Variants in FBXL13 observed in about 807,000 individuals in gnomAD.
FBXL13 encodes the protein F-box and leucine rich repeat protein 13.
FBXL13 carries 67 observed loss-of-function variants against 83.6 expected under a neutral mutation model. The observed-to-expected ratio is 0.80, with a 90% CI of 0.66 to 0.98. The LOEUF (loss-of-function observed/expected upper bound fraction) is 0.98. Ranked by LOEUF, FBXL13 falls within the 50% of genes least tolerant of loss-of-function variation. FBXL13 has a pLI of 0.00. For missense variants in FBXL13, 822 were observed against 866.5 expected (o/e 0.95, Z 0.64); for synonymous variants, 272 against 299.5 (o/e 0.91, Z 0.95).
intron 11 of FBXL13, among the ~76,000 whole-genome samples, chr7:102,890,816 A>C (rs78022597): frequency 0.028 from 4,234 of 152,246 alleles, 91 homozygotes; most frequent in Non-Finnish European, 0.037. Context: ...AGACCCTCTA[A>C]GGCAGCCAGA....
intron 2 of FBXL13, chr7:103,050,108 A>G (rs974971760): frequency 2.0e-5 from 3 of 152,246 alleles, no homozygotes; most frequent in African/African-American, 7.2e-5. Context: ...TTTATGACAG[A>G]ACAATACAGA....
At chr7:102,934,233 T>A in intron 8 of FBXL13, 1 of 1,614,110 alleles carries the variant, frequency 6.2e-7, no homozygotes, top group Non-Finnish European at 8.5e-7. Flanking sequence ...TTTAAAAAGC[T>A]GAAAAGCCTG....
rs866317717 is a variant in FBXL13 at position 103,051,660 on chromosome 7, G to A, written c.-1+3984C>T. 2.6e-5 allele frequency among the ~76,000 whole-genome samples: 4 copies of A among 152,120 alleles called. No homozygotes were observed. The South Asian group carries it at 6.2e-4, about 24-fold the overall frequency. ...TAAATTTAAAGGAGTTTAATTGAAC[G>A]ATGAACAATTTGCAAGTCAGGTAGC... is the stretch of plus-strand genomic sequence containing the variant. On this transcript the variant is annotated intron_variant, in intron 2 of 19. Coordinates refer to ENST00000313221, the Ensembl canonical transcript of FBXL13.
At chr7:102,815,135 T>A (rs1797816473) in intron 19 of FBXL13, among the ~76,000 whole-genome samples, 1 of 148,950 alleles carries the variant, frequency 6.7e-6, no homozygotes, top group South Asian at 2.1e-4. Flanking sequence ...CCCATCTCTA[T>A]CAGTCTAAAC....
exon 12 of FBXL13, chr7:102,884,300 C>T: frequency 6.2e-7 from 1 of 1,613,332 alleles, no homozygotes; most frequent in Non-Finnish European, 8.5e-7. Context: ...TACCTGAAGC[C>T]TTGGACTGAA....
chr7:102,877,385 T>A, intron 16 of FBXL13, 82 bp downstream of exon 17: 1 of 1,131,550 alleles, frequency 8.8e-7, no homozygotes, highest in Non-Finnish European at 1.2e-6. Flanking sequence ...CATATTATTG[T>A]TCTCTCCATT....
intron 8 of FBXL13, among the ~76,000 whole-genome samples, chr7:102,941,874 A>G (rs903787845): frequency 6.6e-6 from 1 of 152,244 alleles, no homozygotes; most frequent in African/African-American, 2.4e-5. Flanking sequence ...GAGAAAAATG[A>G]GAAGACAATG....
intron 15 of FBXL13, among the ~76,000 whole-genome samples, chr7:102,878,085 C>T (rs766696669): frequency 2.0e-5 from 3 of 152,058 alleles, no homozygotes; most frequent in Non-Finnish European, 4.4e-5. Context: ...CCACCCATAT[C>T]TAGATATTCA....
chr7:103,020,032 T>G (rs1174880995), intron 6 of FBXL13, among the ~76,000 whole-genome samples: 1 of 152,190 alleles, frequency 6.6e-6, no homozygotes, highest in Non-Finnish European at 1.5e-5. Context: ...AAAAGAGAAC[T>G]TTAGATCAAT....
At chr7:102,882,895 G>A (rs1810295565) in intron 14 of FBXL13, among the ~76,000 whole-genome samples, 1 of 152,096 alleles carries the variant, frequency 6.6e-6, no homozygotes, top group Non-Finnish European at 1.5e-5. Context: ...CCATTTGTCA[G>A]AAATTCTTCA....
intron 11 of FBXL13, among the ~76,000 whole-genome samples, chr7:102,897,873 T>G (rs1812449371): frequency 6.6e-6 from 1 of 152,210 alleles, no homozygotes; most frequent in Non-Finnish European, 1.5e-5. Context: ...TACTTATTGC[T>G]AGTTTCTGAG....
chr7:103,060,020 TTATA>T (rs772728840), intron 1 of FBXL13, among the ~76,000 whole-genome samples: 1,158 of 49,980 alleles, frequency 0.023, 23 homozygotes, highest in Middle Eastern at 0.1. Context: ...GCAAGATATT[TTATA>T]TATATATATA....
intron 11 of FBXL13, among the ~76,000 whole-genome samples, chr7:102,903,939 C>CTTTTTTTTTTTTTTTTTTTT (rs1166655004): frequency 8.7e-4 from 38 of 43,444 alleles, no homozygotes; most frequent in Admixed American, 1.7e-3. Flanking sequence ...CTTTTCTTTT[C>CTTTTTTTTTTTTTTTTTTTT]TTTTTTTTTT....
At chr7:103,011,991 G>C (rs1295444358) in intron 6 of FBXL13, among the ~76,000 whole-genome samples, 6 of 152,038 alleles carry the variant, frequency 3.9e-5, no homozygotes, top group Admixed American at 3.3e-4. Context: ...TTCAAATTCA[G>C]GAAATGCAGA....
intron 17 of FBXL13, among the ~76,000 whole-genome samples, chr7:102,853,683 AAAC>A (rs1413743663): frequency 3.3e-5 from 5 of 152,170 alleles, no homozygotes; most frequent in African/African-American, 1.2e-4. Context: ...AGAAAAAAAC[AAAC>A]AACCCCATCA....
chr7:103,047,573 T>G (rs1461926663), intron 2 of FBXL13, among the ~76,000 whole-genome samples: 2 of 152,242 alleles, frequency 1.3e-5, no homozygotes, highest in Non-Finnish European at 2.9e-5. Flanking sequence ...TTTACTTGGG[T>G]TAGCAGTTCT....
intron 6 of FBXL13, among the ~76,000 whole-genome samples, chr7:102,980,411 G>T (rs925039714): frequency 6.6e-6 from 1 of 152,306 alleles, no homozygotes; most frequent in East Asian, 1.9e-4. Context: ...AAATGTAAAA[G>T]AATGAGTTTG....
chr7:102,903,471 T>A (rs141490280), intron 11 of FBXL13, among the ~76,000 whole-genome samples: 21 of 152,226 alleles, frequency 1.4e-4, no homozygotes, highest in African/African-American at 5.1e-4. Flanking sequence ...GTAGTGACAG[T>A]GGACATCCTT....
intron 11 of FBXL13, among the ~76,000 whole-genome samples, chr7:102,888,978 A>C (rs1584792924): frequency 6.6e-6 from 1 of 152,206 alleles, no homozygotes; most frequent in Non-Finnish European, 1.5e-5. Context: ...CATTTTAGGA[A>C]ATTCTTGAGA....
Sources: allele counts gnomAD v4.1 joint callset (sites outside exome capture counted in the v4.1 genomes callset), GRCh38; gene constraint gnomAD v4.1.1; transcripts MANE v1.5; gene names NCBI Gene and HGNC (gene_info 2026-07-23, HGNC 2026-07-21).